CMSS1: variants seen among roughly 807,000 people sequenced by gnomAD.
The protein encoded by CMSS1 is protein CMSS1.
CMSS1 carries 33 observed loss-of-function variants against 43.5 expected under a neutral mutation model. The observed-to-expected ratio is 0.76, with a 90% CI of 0.57 to 1.01. The LOEUF (loss-of-function observed/expected upper bound fraction) is 1.01. CMSS1 is among the 50% of genes least tolerant of loss of function. The pLI is 0.00. For synonymous variants in CMSS1, 115 were observed against 117.2 expected (o/e 0.98, Z 0.12); for missense variants, 313 against 326.4 (o/e 0.96, Z 0.32).
In CMSS1 at chr3:99,996,454, G is replaced by T. The variant is rs149221207; in HGVS notation, c.65-150519G>T. Among the ~76,000 whole-genome samples the T allele has an allele frequency of 7.2e-3, 1,095 of 152,178 alleles. 4 individuals are homozygous for T. Among genetic ancestry groups the T allele is most frequent in the African/African-American group, 1.0e-2 (414 of 41,518 alleles). ...TGTCTTCTTCTGAGCCCTCCAAACT[G>T]TTCCAACCTCTGCCTTTTACCCAGT... is the stretch of plus-strand genomic sequence containing the variant. On this transcript the variant is annotated intron_variant, in intron 1 of 9. Transcript: ENST00000421999.
intron 1 of CMSS1, among the ~76,000 whole-genome samples, chr3:100,061,610 C>T (rs1471921045): frequency 6.6e-6 from 1 of 152,172 alleles, no homozygotes; most frequent in African/African-American, 2.4e-5. Context: ...AATTACAACA[C>T]CATTAACAAC....
rs1032378475 is a variant in CMSS1, at chr3:99,850,613, T to C, written c.64+32570T>C. The C allele has an allele frequency of 8.1e-6, 13 of 1,613,866 alleles. No homozygotes were observed. In the African/African-American group the frequency reaches 1.6e-4, roughly 20 times the overall value. On this transcript the variant is annotated intron_variant, in intron 1 of 9. Coordinates refer to ENST00000421999, the MANE Select transcript of CMSS1 (RefSeq NM_032359.4). ...TATTCTCCCTTACTGATTTTTTCTT[T>C]TATATCTTGCAGCTCCTCTTCTGCT...
intron 1 of CMSS1, among the ~76,000 whole-genome samples, chr3:99,841,625 A>G (rs1453485911): frequency 1.3e-5 from 2 of 152,210 alleles, no homozygotes; most frequent in Non-Finnish European, 2.9e-5. Flanking sequence ...GCTAGCCTTT[A>G]AAGAGCTGAA....
At chr3:99,941,508 T>G (rs932883035) in intron 1 of CMSS1, among the ~76,000 whole-genome samples, 1 of 152,292 alleles carries the variant, frequency 6.6e-6, no homozygotes, top group Non-Finnish European at 1.5e-5. Context: ...ATGTGGGGAA[T>G]ATCAAATTGT....
At chr3:100,128,718 G>A (rs1007860897) in intron 1 of CMSS1, among the ~76,000 whole-genome samples, 1 of 152,104 alleles carries the variant, frequency 6.6e-6, no homozygotes, top group African/African-American at 2.4e-5. Context: ...ATATGTTAAT[G>A]TTGCCTACTC....
chr3:99,825,839 G>T (rs140469128), intron 1 of CMSS1, among the ~76,000 whole-genome samples: 1 of 145,874 alleles, frequency 6.9e-6, no homozygotes. Context: ...GTGCAGTGGC[G>T]CAATCTTGGC....
intron 1 of CMSS1, among the ~76,000 whole-genome samples, chr3:100,056,896 C>T (rs914011954): frequency 3.9e-5 from 6 of 151,902 alleles, no homozygotes; most frequent in Middle Eastern, 6.9e-3. Flanking sequence ...CCCAGCTACT[C>T]GGGAGGCTGA....
At chr3:100,135,437 C>CGTGTGTGT (rs1559767923) in intron 1 of CMSS1, among the ~76,000 whole-genome samples, 3 of 60,136 alleles carry the variant, frequency 5.0e-5, no homozygotes, top group African/African-American at 1.3e-4. Context: ...TGTGTGTGTG[C>CGTGTGTGT]ATGTGTGTGT....
chr3:100,116,585 C>A (rs2066571698), intron 1 of CMSS1, among the ~76,000 whole-genome samples: 2 of 152,156 alleles, frequency 1.3e-5, no homozygotes, highest in African/African-American at 2.4e-5. Context: ...CTCATTGCTT[C>A]CAGGCCCTTT....
At chr3:100,012,761 CTT>C (rs35737304) in intron 1 of CMSS1, among the ~76,000 whole-genome samples, 58 of 93,536 alleles carry the variant, frequency 6.2e-4, no homozygotes, top group Middle Eastern at 5.3e-3. Context: ...GAAGCATATT[CTT>C]TTTTTTTTTT....
At chr3:99,919,006 T>A (rs965050832) in intron 1 of CMSS1, among the ~76,000 whole-genome samples, 5 of 152,220 alleles carry the variant, frequency 3.3e-5, no homozygotes, top group Non-Finnish European at 7.3e-5. Context: ...AACAATAGTT[T>A]AGTGTGTATG....
chr3:100,120,577 G>C (rs1201997074), intron 1 of CMSS1, among the ~76,000 whole-genome samples: 1 of 152,116 alleles, frequency 6.6e-6, no homozygotes. Flanking sequence ...TGCTAAGCGT[G>C]GCACCTAGCA....
chr3:100,093,311 A>G (rs1168236313), intron 1 of CMSS1, among the ~76,000 whole-genome samples: 1 of 152,164 alleles, frequency 6.6e-6, no homozygotes, highest in Admixed American at 6.5e-5. Context: ...TGTTCATTTT[A>G]GAAAAAGTCA....
chr3:99,967,040 G>C lies in CMSS1; in HGVS notation c.64+148997G>C, dbSNP rs1034161871. 3.9e-5 allele frequency among the ~76,000 whole-genome samples: 6 copies of C among 152,290 alleles called. No individual in the cohort carries two copies. In the East Asian group the frequency reaches 1.2e-3, roughly 29 times the overall value. On this transcript the variant is annotated intron_variant, in intron 1 of 9. Transcript: ENST00000421999. ...GATCCCTATTGAGAAGAAATGATAA[G>C]AGAGGGAAAGGATATGGGGCAAGAA...
At chr3:100,049,432 G>GC (rs1356281893) in intron 1 of CMSS1, among the ~76,000 whole-genome samples, 1 of 152,132 alleles carries the variant, frequency 6.6e-6, no homozygotes, top group Non-Finnish European at 1.5e-5. Flanking sequence ...GGTTAATATG[G>GC]CACTAGAGTG....
intron 1 of CMSS1, among the ~76,000 whole-genome samples, chr3:99,827,296 A>T (rs1370168080): frequency 6.6e-6 from 1 of 152,070 alleles, no homozygotes; most frequent in East Asian, 1.9e-4. Context: ...GACTCAAGCG[A>T]TTCTCGTGCC....
intron 1 of CMSS1, among the ~76,000 whole-genome samples, chr3:99,913,499 G>A (rs976311389): frequency 4.5e-4 from 68 of 152,152 alleles, no homozygotes; most frequent in African/African-American, 1.6e-3. Flanking sequence ...ACCAAAGAAT[G>A]TTTAATAGGA....
intron 1 of CMSS1, among the ~76,000 whole-genome samples, chr3:99,936,878 A>G (rs2107670902): frequency 6.6e-6 from 1 of 152,166 alleles, no homozygotes; most frequent in East Asian, 1.9e-4. Context: ...TATGAAATGA[A>G]GCCCTACTAT....
At chr3:100,114,469 G>T in intron 1 of CMSS1, 1 of 154,508 alleles carries the variant, frequency 6.5e-6, no homozygotes, top group Non-Finnish European at 1.4e-5. Context: ...ACAAGTAGAG[G>T]CAGGCACAGG....
Sources: gnomAD v4.1 joint callset for allele counts (sites outside exome capture counted in the v4.1 genomes callset) on GRCh38, gnomAD v4.1.1 for gene constraint, MANE v1.5 for transcripts, NCBI Gene and HGNC (gene_info 2026-07-23, HGNC 2026-07-21) for gene names.